ZNF512B: variants seen among roughly 807,000 people sequenced by gnomAD.
ZNF512B encodes zinc finger protein 512B.
A neutral mutation model predicts 87.8 loss-of-function variants in ZNF512B; 22 were observed. That is an observed-to-expected ratio of 0.25 (90% CI 0.18 to 0.36). The LOEUF is 0.36. Ranked by LOEUF, ZNF512B falls within the 10% of genes least tolerant of loss-of-function variation. ZNF512B has a pLI of 1.00. For synonymous variants in ZNF512B, 524 were observed against 490.9 expected (o/e 1.07, Z -0.89); for missense variants, 1,060 against 1,231.6 (o/e 0.86, Z 2.09).
chr20:63,967,360 C>T, intron 3 of ZNF512B, 21 bp downstream of exon 3: 1 of 1,579,526 alleles, frequency 6.3e-7, no homozygotes, highest in South Asian at 1.2e-5. Flanking sequence ...TGAGCCCCAC[C>T]ATGGCCCTGA....
At chr20:63,963,291 G>T (rs753969843) in intron 11 of ZNF512B, 26 bp from the exon 12 acceptor site, 21 of 1,538,568 alleles carry the variant, frequency 1.4e-5, no homozygotes, top group Non-Finnish European at 1.5e-5. Context: ...GAGGGTGGGT[G>T]AGTGGCCAGC....
chr20:63,963,355 C>T lies in ZNF512B; in HGVS notation c.1784G>A (p.Arg595His), dbSNP rs1001227639. 11 of 1,542,372 alleles carry T rather than the reference C, an allele frequency of 7.1e-6. No individual in the cohort carries two copies. The highest frequency in any genetic ancestry group is 1.9e-5 in the Admixed American group (1 of 51,548). ...CCCCCCACTGACCTCCTGGGGGCAG[C>T]GCAGCCGTCCCATCTGCTTCAGCAC... ...RKVLKQMGRL[R>H]CPQEGCGAAF... Residue 595 changes from arginine (R) to histidine (H), a missense_variant, in exon 11 of 17, where the codon CGC (arginine) becomes CAC (histidine). Arg to His is a conservative substitution (Grantham distance 29). Around this residue, in one of 9 missense-constraint regions of ZNF512B, gnomAD observed 165 missense variants for 173.0 expected, o/e 0.95. Transcript: ENST00000369888.
At position 63,966,497 on chromosome 20, in the gene ZNF512B, C is replaced by T. The variant is rs1188008327; in HGVS notation, c.678G>A (p.Lys226=). Residue 226 remains lysine, a synonymous_variant, in exon 5 of 17, where the codon AAG becomes AAA. Transcript: ENST00000369888. ...VSVGRPMPVT[K]AIPVTRPVPV... Reference sequence around the variant, plus strand: ...GCACGGGCCTAGTGACCGGGATGGCCTTGGTGACTGGCATGGGTCTGCCGA... The same window carrying T: ...GCACGGGCCTAGTGACCGGGATGGCTTTGGTGACTGGCATGGGTCTGCCGA... 1 of 1,613,888 alleles carries T rather than the reference C, an allele frequency of 6.2e-7. No individual in the cohort carries two copies. The highest frequency in any genetic ancestry group is 1.3e-5 in the African/African-American group (1 of 74,910).
Position 63,963,935 on chromosome 20 carries a change from C to T in ZNF512B, c.1481-22G>A, listed in dbSNP as rs762323478. 6.8e-6 allele frequency: 11 copies of T among 1,606,422 alleles called. 1 individual carries two copies. The highest frequency in any genetic ancestry group is 1.7e-4 in the Middle Eastern group (1 of 6,016). On this transcript the variant is annotated intron_variant, in intron 8 of 16. Coordinates refer to ENST00000369888, the MANE Select transcript of ZNF512B (RefSeq NM_020713.3). ...CCACCTGTGGGTAAGGCAGGGGCCT[C>T]GAAGGCTTGTGGGGGCTGCTGGGTG...
intron 13 of ZNF512B, 98 bp downstream of exon 13, chr20:63,962,489 G>A: frequency 4.5e-6 from 7 of 1,550,220 alleles, no homozygotes; most frequent in African/African-American, 1.4e-5. Context: ...GGCAGCGGGT[G>A]GCCCAGGTCA....
At chr20:63,960,411 A>G (rs2146882268) in intron 16 of ZNF512B, among the ~76,000 whole-genome samples, 1 of 147,928 alleles carries the variant, frequency 6.8e-6, no homozygotes, top group South Asian at 2.2e-4. Flanking sequence ...GGGACCAGGC[A>G]AGCACCTGCA....
At position 63,966,740 on chromosome 20, in the gene ZNF512B, G is replaced by A. The variant is rs201037243; in HGVS notation, c.435C>T (p.Cys145=). 126 of 1,601,864 alleles carry A rather than the reference G, an allele frequency of 7.9e-5. No homozygotes were observed. In the East Asian group the frequency reaches 1.9e-3, roughly 24 times the overall value. The change falls in exon 5 of 17, where the codon TGC becomes TGT. Residue 145 remains cysteine, a synonymous_variant. Transcript: ENST00000369888. ...SDRLAFPCPF[C]EAAFTSKTQL... is the part of the protein sequence containing the mutation. ...GGGTCTTAGAGGTGAATGCGGCCTC[G>A]CAGAAGGGGCAGGGGAAGGCCAGGC...
At position 63,964,143 on chromosome 20, in the gene ZNF512B, G is replaced by A. The variant is rs145676875; in HGVS notation, c.1408C>T (p.Arg470Trp). Residue 470 changes from arginine to tryptophan, a missense_variant, in exon 8 of 17, where the codon CGG becomes TGG. Around this residue, in one of 9 missense-constraint regions of ZNF512B, gnomAD observed 212 missense variants for 207.6 expected, o/e 1.02. Coordinates refer to ENST00000369888, the MANE Select transcript of ZNF512B (RefSeq NM_020713.3). ...KQEGPGPEDA[R>W]KKVPAAPITV... ...ATGGGGGCAGCTGGCACCTTCTTCC[G>A]GGCGTCCTCAGGGCCTGGCCCCTCC... The A allele has an allele frequency of 2.7e-5, 43 of 1,604,374 alleles. No individual in the cohort carries two copies. The highest frequency in any genetic ancestry group is 1.1e-4 in the African/African-American group (8 of 74,576).
intron 8 of ZNF512B, 47 bp from the exon 9 acceptor site, chr20:63,963,960 G>A (rs2058889724): frequency 6.2e-6 from 10 of 1,601,828 alleles, no homozygotes; most frequent in Non-Finnish European, 7.6e-6. Context: ...GCTGCTGGGT[G>A]GCCCAGACGC....
chr20:63,969,421 C>A (rs768688654), intron 1 of ZNF512B, among the ~76,000 whole-genome samples: 2 of 151,580 alleles, frequency 1.3e-5, no homozygotes, highest in Non-Finnish European at 2.9e-5. Context: ...GCAGCGGGTC[C>A]GCCGCGTAGG....
Position 63,963,084 on chromosome 20 carries a change from G to C in ZNF512B, c.1968+11C>G, listed in dbSNP as rs1285213644. The stretch of plus-strand genomic sequence containing the variant: ...AACAAGCACTGTGCCACAGAACAGA[G>C]AGCCACTCACGGGGGCCGTGTGCTC... On this transcript the variant is annotated intron_variant, in intron 12 of 16. Coordinates refer to ENST00000369888, the MANE Select transcript of ZNF512B (RefSeq NM_020713.3). The C allele has an allele frequency of 7.8e-6, 12 of 1,546,132 alleles. No individual in the cohort carries two copies. The highest frequency in any genetic ancestry group is 1.9e-5 in the Admixed American group (1 of 53,746).
Position 63,963,359 on chromosome 20 carries a change from G to A in ZNF512B, c.1780C>T (p.Leu594=). The A allele has an allele frequency of 6.5e-7, 1 of 1,544,042 alleles. No homozygotes were observed. Among genetic ancestry groups the A allele is most frequent in the Non-Finnish European group, 8.7e-7 (1 of 1,149,710 alleles). The change falls in exon 11 of 17, where the codon CTG becomes TTG. Residue 594 remains leucine (L), a synonymous_variant. Coordinates refer to ENST00000369888, the MANE Select transcript of ZNF512B (RefSeq NM_020713.3). ...CCACTGACCTCCTGGGGGCAGCGCAGCCGTCCCATCTGCTTCAGCACCTTG... is the reference window on the plus strand; with the variant it reads ...CCACTGACCTCCTGGGGGCAGCGCAACCGTCCCATCTGCTTCAGCACCTTG... ...LRKVLKQMGR[L]RCPQEGCGAA...
intron 14 of ZNF512B, 64 bp downstream of exon 14, chr20:63,962,209 G>T: frequency 6.6e-7 from 1 of 1,505,672 alleles, no homozygotes; most frequent in South Asian, 1.2e-5. Context: ...CTGCTCAGAG[G>T]GCCACACCCA....
In ZNF512B at chr20:63,959,920, T is replaced by G. The variant is rs2058830431; in HGVS notation, c.2647A>C (p.Lys883Gln). Residue 883 changes from lysine to glutamine, a missense_variant, in exon 17 of 17, where the codon AAG becomes CAG. This residue lies in a region of ZNF512B where 253 missense variants were observed against 259.2 expected (regional missense o/e 0.98). Transcript: ENST00000369888. ...DKGARGSTGR[K>Q]VGVSKAPEK is the part of the protein sequence containing the mutation. ...TCAGGCGCCTTGCTGACTCCCACCT[T>G]CCGGCCGGTGGAGCCCCGGGCCCCC... 14 of 1,603,028 alleles carry G rather than the reference T, an allele frequency of 8.7e-6. No homozygotes were observed. Among genetic ancestry groups the G allele is most frequent in the Non-Finnish European group, 1.2e-5 (14 of 1,177,184 alleles).
Position 63,957,034 on chromosome 20 carries a change from G to A in ZNF512B, c.*2854C>T, listed in dbSNP as rs1344069766. The A allele has an allele frequency of 1.3e-5, 2 of 152,446 alleles. No homozygotes were observed. Among genetic ancestry groups the A allele is most frequent in the African/African-American group, 4.8e-5 (2 of 41,438 alleles). The allele number at this position is 152,446 out of a possible 1,614,324, so 9.4% of individuals were successfully genotyped here. On this transcript the variant is annotated 3_prime_UTR_variant, in exon 17 of 17. Transcript: ENST00000369888. Reference sequence around the variant, plus strand: ...GCCGCGAGGCAGGGGAAAGCCTGGGGCCCCAGACCCGGGCCTGGGGGAGCC... The same window carrying A: ...GCCGCGAGGCAGGGGAAAGCCTGGGACCCCAGACCCGGGCCTGGGGGAGCC...
In ZNF512B at chr20:63,967,643, G is replaced by T; in HGVS notation, c.122-120C>A. 7 of 1,482,552 alleles carry T rather than the reference G, an allele frequency of 4.7e-6. No homozygotes were observed. The South Asian group carries it at 6.7e-5, about 14-fold the overall frequency. 91.8% of individuals were successfully genotyped at this position (1,482,552 alleles called of 1,614,324 possible). The stretch of plus-strand genomic sequence containing the variant: ...CGAGGGCACCGGGGGCAGGGGCTGC[G>T]GCCAGCTGAGGACAAGAACCCAGGA... On this transcript the variant is annotated intron_variant, in intron 2 of 16. Transcript: ENST00000369888.
chr20:63,962,414 A>G, intron 13 of ZNF512B, 40 bp from the exon 14 acceptor site: 4 of 1,586,382 alleles, frequency 2.5e-6, no homozygotes, highest in Non-Finnish European at 3.4e-6. Context: ...TGAGGCCAGA[A>G]GACACCCCAG....
chr20:63,961,431 GC>G lies in ZNF512B; in HGVS notation c.2329-25del. 1.2e-6 allele frequency: 2 copies of G among 1,603,618 alleles called. No homozygotes were observed. The highest frequency in any genetic ancestry group is 1.7e-6 in the Non-Finnish European group (2 of 1,175,528). ...CCCTGCAATGCATAGGCAGGCCAGT[GC>G]CCCAGCCCTTGGAGGACCCAGATCT... On this transcript the variant is annotated intron_variant, in intron 15 of 16. Transcript: ENST00000369888. This position sits in a 1 kb window ranked among gnomAD's most constrained non-coding sequence, Gnocchi z 6.4.
Position 63,966,918 on chromosome 20 carries a change from G to A in ZNF512B, c.351C>T (p.Pro117=). ...AATGGTACTTGAGCCCGTAGATGCT[G>A]GGGAACTCCAGCCAGCACCCTGAGT... ...CPNSGCWLEF[P]SIYGLKYHYQ... Residue 117 remains proline, a synonymous_variant, in exon 4 of 17, where the codon CCC becomes CCT. Coordinates refer to ENST00000369888, the MANE Select transcript of ZNF512B (RefSeq NM_020713.3). 6.2e-7 allele frequency: 1 copy of A among 1,613,840 alleles called. No individual in the cohort carries two copies. The highest frequency in any genetic ancestry group is 8.5e-7 in the Non-Finnish European group (1 of 1,180,026).
Sources: gnomAD v4.1 joint callset for allele counts (sites outside exome capture counted in the v4.1 genomes callset) on GRCh38, gnomAD v4.1.1 for gene constraint, gnomAD v4.1.1 regional missense constraint, Gnocchi (gnomAD v3.1) non-coding constraint, MANE v1.5 for transcripts, NCBI Gene and HGNC (gene_info 2026-07-23, HGNC 2026-07-21) for gene names.